The following HERPUD2 variants were observed in gnomAD, a reference collection of about 807,000 sequenced individuals.
The protein encoded by HERPUD2 is homocysteine-responsive endoplasmic reticulum-resident ubiquitin-like domain member 2 protein.
Under a neutral mutation model 49.9 loss-of-function variants are expected in HERPUD2, and 13 were observed. That is an observed-to-expected ratio of 0.26 (90% CI 0.17 to 0.41). HERPUD2 has a LOEUF of 0.41. HERPUD2 is among the 10% of genes least tolerant of loss of function. The probability of loss-of-function intolerance (pLI) is 1.00; values close to 1 mark genes in which losing one functional copy is unlikely to be tolerated. For missense variants in HERPUD2, 449 were observed against 492.2 expected (o/e 0.91, Z 0.83); for synonymous variants, 172 against 171.4 (o/e 1.00, Z -0.03).
chr7:35,682,357 G>GTATATATATATA (rs3052526), intron 2 of HERPUD2, among the ~76,000 whole-genome samples: 2 of 25,826 alleles, frequency 7.7e-5, no homozygotes, highest in East Asian at 1.1e-3. Flanking sequence ...GTGTGTGTGT[G>GTATATATATATA]TATATATATA....
intron 5 of HERPUD2, among the ~76,000 whole-genome samples, chr7:35,661,882 A>T (rs190342589): frequency 6.6e-6 from 1 of 152,266 alleles, no homozygotes; most frequent in Non-Finnish European, 1.5e-5. Context: ...CTCTTGCCTG[A>T]TTGCCCTGGC....
intron 5 of HERPUD2, among the ~76,000 whole-genome samples, chr7:35,651,600 G>C (rs909695679): frequency 1.3e-5 from 2 of 151,876 alleles, no homozygotes; most frequent in African/African-American, 4.8e-5. Context: ...CACTACAAAA[G>C]CAAATGCAAA....
Position 35,694,421 on chromosome 7 carries a change from C to T in HERPUD2, c.-91G>A. On this transcript the variant is annotated 5_prime_UTR_variant, in exon 2 of 9. Coordinates refer to ENST00000311350, the MANE Select transcript of HERPUD2 (RefSeq NM_022373.5). ...ACCGCCGGCGCGACTGGGATGAGGACAGAAGTGAGTTCTTAGTATTCCGTG... is the reference window on the plus strand; with the variant it reads ...ACCGCCGGCGCGACTGGGATGAGGATAGAAGTGAGTTCTTAGTATTCCGTG... 2 of 1,315,138 alleles carry T rather than the reference C, an allele frequency of 1.5e-6. No homozygotes were observed. The highest frequency in any genetic ancestry group is 2.3e-5 in the East Asian group (1 of 43,390). The allele number at this position is 1,315,138 out of a possible 1,614,324, so 81.5% of individuals were successfully genotyped here.
chr7:35,685,686 T>G (rs1396317796), intron 2 of HERPUD2, among the ~76,000 whole-genome samples: 2 of 151,880 alleles, frequency 1.3e-5, no homozygotes, highest in South Asian at 2.1e-4. Context: ...GAATTTAATT[T>G]AAATATCAGG....
intron 5 of HERPUD2, among the ~76,000 whole-genome samples, chr7:35,647,093 G>A (rs1017600852): frequency 5.9e-5 from 9 of 152,116 alleles, no homozygotes; most frequent in Admixed American, 3.3e-4. Context: ...AGAGATTAAA[G>A]GAACTGGAAA....
intron 2 of HERPUD2, among the ~76,000 whole-genome samples, chr7:35,690,264 C>T (rs1786149197): frequency 6.6e-6 from 1 of 152,176 alleles, no homozygotes; most frequent in Non-Finnish European, 1.5e-5. Context: ...CTTCCCATTT[C>T]CTAAACCAAG....
At position 35,667,447 on chromosome 7, in the gene HERPUD2, A is replaced by G; in HGVS notation, c.481T>C (p.Tyr161His). 6.2e-7 allele frequency: 1 copy of G among 1,613,184 alleles called. No homozygotes were observed. The highest frequency in any genetic ancestry group is 1.1e-5 in the South Asian group (1 of 90,994). The part of the protein sequence containing the change: ...TDQAQSHQFP[Y>H]VMQGNVDNQF... ...AATTTCACTTACCCTTGCATTACAT[A>G]TGGAAACTGGTGACTCTGTGCTTGG... The change falls in exon 5 of 9, where the codon TAT becomes CAT. Residue 161 changes from tyrosine to histidine, a missense_variant. Physicochemically the swap from Tyr to His is moderately conservative, Grantham distance 83. Coordinates refer to ENST00000311350, the MANE Select transcript of HERPUD2 (RefSeq NM_022373.5).
chr7:35,678,897 A>G (rs1187397761), intron 2 of HERPUD2, among the ~76,000 whole-genome samples: 4 of 152,230 alleles, frequency 2.6e-5, no homozygotes, highest in Non-Finnish European at 5.9e-5. Flanking sequence ...TAAGCAAGAT[A>G]GGGAAAAAAT....
intron 2 of HERPUD2, among the ~76,000 whole-genome samples, chr7:35,688,635 A>G (rs1786115797): frequency 6.6e-6 from 1 of 152,256 alleles, no homozygotes; most frequent in East Asian, 1.9e-4. Flanking sequence ...AAGTGTTAGC[A>G]CCATAGTAAG....
chr7:35,677,135 A>AT (rs1350098661), intron 2 of HERPUD2, among the ~76,000 whole-genome samples: 4 of 152,278 alleles, frequency 2.6e-5, no homozygotes, highest in African/African-American at 9.6e-5. Context: ...CCCCTCTATG[A>AT]TTTTGGATTG....
chr7:35,686,715 T>G (rs1422626611), intron 2 of HERPUD2, among the ~76,000 whole-genome samples: 1 of 10,338 alleles, frequency 9.7e-5, no homozygotes, highest in Non-Finnish European at 2.3e-4. Flanking sequence ...CGACACTCCG[T>G]CTCAAAAAAA....
chr7:35,644,586 G>A (rs970940092), intron 5 of HERPUD2, among the ~76,000 whole-genome samples: 3 of 152,114 alleles, frequency 2.0e-5, no homozygotes, highest in Admixed American at 6.6e-5. Context: ...TGGCCAACAT[G>A]GTGAAACCCC....
chr7:35,636,378 G>C (rs1039929146), intron 6 of HERPUD2, among the ~76,000 whole-genome samples: 1 of 152,044 alleles, frequency 6.6e-6, no homozygotes, highest in Non-Finnish European at 1.5e-5. Flanking sequence ...ACCTGTATAG[G>C]GCTTTTTAGT....
chr7:35,686,196 C>CA (rs1352770387), intron 2 of HERPUD2, among the ~76,000 whole-genome samples: 1 of 146,112 alleles, frequency 6.8e-6, no homozygotes, highest in East Asian at 2.0e-4. Context: ...TTTTTCTTTT[C>CA]TTTTTTTTTT....
intron 2 of HERPUD2, among the ~76,000 whole-genome samples, chr7:35,689,506 G>A (rs1022816991): frequency 6.6e-6 from 1 of 152,158 alleles, no homozygotes; most frequent in Admixed American, 6.5e-5. Context: ...AAAACTAAGA[G>A]AGATAAAATT....
At chr7:35,656,770 C>T (rs1477365367) in intron 5 of HERPUD2, among the ~76,000 whole-genome samples, 1 of 151,936 alleles carries the variant, frequency 6.6e-6, no homozygotes, top group Admixed American at 6.6e-5. Context: ...GAAAGAACAC[C>T]CTCCCTTCGA....
At chr7:35,687,185 T>C (rs759223116) in intron 2 of HERPUD2, among the ~76,000 whole-genome samples, 49 of 152,178 alleles carry the variant, frequency 3.2e-4, no homozygotes, top group Non-Finnish European at 6.2e-4. Context: ...TTAAAAAACA[T>C]TGCATGGTAC....
Position 35,694,372 on chromosome 7 carries a change from A to G in HERPUD2, c.-42T>C, listed in dbSNP as rs1171125720. 1 of 1,612,426 alleles carries G rather than the reference A, an allele frequency of 6.2e-7. No individual in the cohort carries two copies. ...GACAGAGTCCAGAGGAGCGGCAGTT[A>G]AGCCCAAAAGAGCCGAGATGGTCAC... is the stretch of plus-strand genomic sequence containing the variant. On this transcript the variant is annotated 5_prime_UTR_variant, in exon 2 of 9. Coordinates refer to ENST00000311350, the MANE Select transcript of HERPUD2 (RefSeq NM_022373.5).
intron 2 of HERPUD2, among the ~76,000 whole-genome samples, chr7:35,686,812 GGGGGGGGGGTGGGGGGGT>G (rs1296481350): frequency 1.3e-4 from 4 of 31,442 alleles, no homozygotes; most frequent in Non-Finnish European, 3.0e-4. Context: ...GGAGGCTGGG[GGGGGGGGGGTGGGGGGGT>G]GGGGGGGGGC....
Sources: allele counts gnomAD v4.1 joint callset (sites outside exome capture counted in the v4.1 genomes callset), GRCh38; gene constraint gnomAD v4.1.1; transcripts MANE v1.5; gene names NCBI Gene and HGNC (gene_info 2026-07-23, HGNC 2026-07-21).